KANSL3: variants seen among roughly 807,000 people sequenced by gnomAD.
KANSL3 encodes the protein NSL complex protein NSL3.
Under a neutral mutation model 89.2 loss-of-function variants are expected in KANSL3, and 16 were observed. That is an observed-to-expected ratio of 0.18 (90% CI 0.12 to 0.27). The LOEUF is 0.27. KANSL3 is among the 10% of genes least tolerant of loss of function. The probability of loss-of-function intolerance (pLI) is 1.00; values close to 1 mark genes in which losing one functional copy is unlikely to be tolerated. For synonymous variants in KANSL3, 385 were observed against 419.7 expected, an observed-to-expected ratio of 0.92 and a Z score of 1.01; for missense variants, 879 against 1,110.6, an observed-to-expected ratio of 0.79 and a Z score of 2.96.
At chr2:96,589,028 A>G (rs1312358264), downstream of KANSL3, among the ~76,000 whole-genome samples, 1 of 152,230 alleles carries the variant, frequency 6.6e-6, no homozygotes, top group Non-Finnish European at 1.5e-5. Context: ...GGTAAGTTAC[A>G]TATATATAAA....
rs1185292663 is a variant in KANSL3 at position 96,608,980 on chromosome 2, T to C, written c.1468A>G (p.Lys490Glu). Residue 490 changes from lysine (K) to glutamate (E), a missense_variant, in exon 13 of 21, where the codon AAG becomes GAG. Physicochemically the swap from Lys to Glu is moderately conservative, Grantham distance 56 (BLOSUM62 1). Around this residue, in one of 6 missense-constraint regions of KANSL3, gnomAD observed 317 missense variants for 311.2 expected, o/e 1.02. Coordinates refer to ENST00000431828, the MANE Select transcript of KANSL3 (RefSeq NM_001115016.3). ...GSEPRDQDAE[K>E]KKKPRDVARR... is the part of the protein sequence containing the mutation. ...GCCACATCGCGGGGCTTCTTCTTCT[T>C]CTCAGCATCCTGATCCCGAGGTTCA... The C allele has an allele frequency of 6.4e-7, 1 of 1,563,140 alleles. No homozygotes were observed. The highest frequency in any genetic ancestry group is 8.7e-7 in the Non-Finnish European group (1 of 1,153,496).
At chr2:96,621,457 T>C (rs917152440) in intron 3 of KANSL3, among the ~76,000 whole-genome samples, 4 of 150,572 alleles carry the variant, frequency 2.7e-5, no homozygotes, top group Admixed American at 6.6e-5. Context: ...GAGGTTGCAG[T>C]GAGCCGAGAT....
At chr2:96,605,062 A>C (rs2067776080) in intron 15 of KANSL3, among the ~76,000 whole-genome samples, 199 bp from the exon 16 acceptor site, 1 of 152,216 alleles carries the variant, frequency 6.6e-6, no homozygotes, top group Admixed American at 6.5e-5. Flanking sequence ...CTGTACCTTT[A>C]ATTGAAGCCA....
intron 13 of KANSL3, 88 bp downstream of exon 13, chr2:96,608,776 A>G (rs551458236): frequency 2.3e-5 from 36 of 1,541,192 alleles, no homozygotes; most frequent in Non-Finnish European, 3.2e-5. Context: ...CATGGCACTA[A>G]TAAGACAGAG....
At chr2:96,583,510 A>G in the KANSL3 span, among the ~76,000 whole-genome samples, 1 of 152,208 alleles carries the variant, frequency 6.6e-6, no homozygotes, top group Non-Finnish European at 1.5e-5. Context: ...CTATCAGTGG[A>G]ATCATACCGT....
intron 5 of KANSL3, chr2:96,615,587 A>T (rs747611757): frequency 3.3e-5 from 37 of 1,116,840 alleles, no homozygotes; most frequent in Non-Finnish European, 4.4e-5. Flanking sequence ...GGCAGTTTTC[A>T]GAGAAAGAAA....
chr2:96,597,536 C>T (rs1371537255), intron 20 of KANSL3, among the ~76,000 whole-genome samples: 3 of 152,176 alleles, frequency 2.0e-5, no homozygotes, highest in Non-Finnish European at 2.9e-5. Flanking sequence ...AATAACATCC[C>T]CTTGCTTGTT....
At chr2:96,602,990 AG>A in intron 17 of KANSL3, 128 bp from the exon 18 acceptor site, 1 of 762,734 alleles carries the variant, frequency 1.3e-6, no homozygotes, top group East Asian at 2.7e-5. Flanking sequence ...ACCCGTCCTC[AG>A]AGAGAAGGCA....
chr2:96,601,764 G>T lies in KANSL3; in HGVS notation c.2495C>A (p.Pro832His). ...ISNQASGLKVPTTITLTLRGQ... is the reference protein window; with the variant it reads ...ISNQASGLKVHTTITLTLRGQ... ...ACGAAGTGTCAGAGTAATGGTGGTG[G>T]GGACCTTCAAGCCTGAGATAAAGAG... Residue 832 changes from proline to histidine, a missense_variant, in exon 20 of 21, where the codon CCC becomes CAC. By Grantham distance (77) the Pro-to-His change is moderately conservative. This residue lies in a region of KANSL3 where 61 missense variants were observed against 61.7 expected (regional missense o/e 0.99). Coordinates refer to ENST00000431828, the MANE Select transcript of KANSL3 (RefSeq NM_001115016.3). The T allele has an allele frequency of 6.4e-7, 1 of 1,572,840 alleles. No individual in the cohort carries two copies.
Position 96,631,386 on chromosome 2 carries a change from T to A in KANSL3, c.312A>T (p.Glu104Asp). 6.2e-7 allele frequency: 1 copy of A among 1,610,692 alleles called. No individual in the cohort carries two copies. Among genetic ancestry groups the A allele is most frequent in the Non-Finnish European group, 8.5e-7 (1 of 1,178,472 alleles). ...QKARSVMNEC[E>D]RHVIFARTDA... ...CAGTCCTGGCAAAGATGACATGCCG[T>A]TCACACTCATTCATCACGCTGCGTG... is the stretch of plus-strand genomic sequence containing the variant. The change falls in exon 3 of 21, where the codon GAA (glutamate) becomes GAT (aspartate). Residue 104 changes from glutamate to aspartate, a missense_variant. Around this residue, in one of 6 missense-constraint regions of KANSL3, gnomAD observed 210 missense variants for 311.9 expected, o/e 0.67. Coordinates refer to ENST00000431828, the MANE Select transcript of KANSL3 (RefSeq NM_001115016.3).
At chr2:96,628,280 T>C (rs2072761562) in intron 3 of KANSL3, 1 of 984,382 alleles carries the variant, frequency 1.0e-6, no homozygotes, top group Non-Finnish European at 1.2e-6. Context: ...TTTTCCAGAC[T>C]TTCCTGCTGA....
chr2:96,580,903 G>A, the KANSL3 span, among the ~76,000 whole-genome samples: 1 of 152,218 alleles, frequency 6.6e-6, no homozygotes, highest in Admixed American at 6.5e-5. Flanking sequence ...CCAATCCAGA[G>A]AAGCAGTAGC....
chr2:96,587,633 A>G, the KANSL3 span, among the ~76,000 whole-genome samples: 3 of 152,242 alleles, frequency 2.0e-5, no homozygotes, highest in African/African-American at 7.2e-5. Context: ...CTCAAAGAAT[A>G]TATCAAGAAC....
chr2:96,610,782 C>T lies in KANSL3; in HGVS notation c.1263G>A (p.Glu421=). ...CHPEAMEDFR[E]KIRAENSLVV... ...CCAAGCTGTTCTCAGCTCGAATCTT[C>T]TCCCGGAAGTCCTCCATGGCTTCAG... The change falls in exon 11 of 21, where the codon GAG becomes GAA. Residue 421 remains glutamate (E), a synonymous_variant. Transcript: ENST00000431828. The T allele has an allele frequency of 1.2e-6, 2 of 1,614,022 alleles. No homozygotes were observed. Among genetic ancestry groups the T allele is most frequent in the Non-Finnish European group, 1.7e-6 (2 of 1,179,890 alleles).
intron 5 of KANSL3, among the ~76,000 whole-genome samples, chr2:96,615,769 A>G (rs958447118): frequency 7.2e-5 from 11 of 152,180 alleles, no homozygotes; most frequent in African/African-American, 2.4e-4. Flanking sequence ...TTAACTCAGG[A>G]AAGAAATATT....
chr2:96,595,754 A>G, intron 20 of KANSL3, 123 bp from the exon 21 acceptor site: 2 of 1,155,662 alleles, frequency 1.7e-6, no homozygotes, highest in Non-Finnish European at 2.5e-6. Flanking sequence ...TCTCAATAGG[A>G]AAGAAGTTGG....
chr2:96,584,996 T>A, the KANSL3 span, among the ~76,000 whole-genome samples: 7 of 152,370 alleles, frequency 4.6e-5, no homozygotes, highest in South Asian at 4.1e-4. Flanking sequence ...CTCACATTAG[T>A]CTGATTCTGG....
In KANSL3 at chr2:96,593,746, T is replaced by C. The variant is rs1311950530; in HGVS notation, c.*1865A>G. On this transcript the variant is annotated 3_prime_UTR_variant, in exon 21 of 21. Transcript: ENST00000431828. The stretch of plus-strand genomic sequence containing the variant: ...CATGAATGGGTTGTTTAGGGCTCTG[T>C]CTGTCCTAAATGATTCCTAAAAGCT... 1.7e-5 allele frequency: 3 copies of C among 180,438 alleles called. No homozygotes were observed. Among genetic ancestry groups the C allele is most frequent in the Non-Finnish European group, 3.6e-5 (3 of 84,294 alleles). 11.2% of individuals were successfully genotyped at this position (180,438 alleles called of 1,614,324 possible). A position where few individuals can be genotyped will look rare whatever the true frequency, so the allele number is the denominator to read the frequency against.
chr2:96,587,409 G>A, the KANSL3 span, among the ~76,000 whole-genome samples: 4 of 152,182 alleles, frequency 2.6e-5, no homozygotes, highest in Non-Finnish European at 5.9e-5. Flanking sequence ...CAGAGGCCAG[G>A]TGGGGAGCCA....
Sources: gnomAD v4.1 joint callset for allele counts (sites outside exome capture counted in the v4.1 genomes callset) on GRCh38, gnomAD v4.1.1 for gene constraint, gnomAD v4.1.1 regional missense constraint, MANE v1.5 for transcripts, NCBI Gene and HGNC (gene_info 2026-07-23, HGNC 2026-07-21) for gene names.